The following EXT2 variants were observed in gnomAD, a reference collection of about 807,000 sequenced individuals.
The protein encoded by EXT2 is exostosin-2.
Under a neutral mutation model 81.6 loss-of-function variants are expected in EXT2, and 53 were observed. That is an observed-to-expected ratio of 0.65 (90% CI 0.52 to 0.82). EXT2 has a LOEUF of 0.82. EXT2 is among the 40% of genes least tolerant of loss of function. The pLI, the probability that EXT2 is intolerant of heterozygous loss-of-function variation, is 0.00. For synonymous variants in EXT2, 320 were observed against 340.0 expected, an observed-to-expected ratio of 0.94 and a Z score of 0.65; for missense variants, 774 against 910.2, an observed-to-expected ratio of 0.85 and a Z score of 1.93.
chr11:44,235,078 C>A (rs1955944990), intron 12 of EXT2, among the ~76,000 whole-genome samples: 1 of 152,142 alleles, frequency 6.6e-6, no homozygotes, highest in African/African-American at 2.4e-5. Context: ...TAGGAAAAAT[C>A]ACTATCTGTG....
intron 7 of EXT2, among the ~76,000 whole-genome samples, chr11:44,148,992 C>G (rs1294625778): frequency 6.6e-6 from 1 of 152,146 alleles, no homozygotes; most frequent in Non-Finnish European, 1.5e-5. Flanking sequence ...GCTTGTCCTG[C>G]CTTTTTGTAA....
chr11:44,225,734 G>A (rs1564983922), intron 10 of EXT2, among the ~76,000 whole-genome samples: 1 of 152,130 alleles, frequency 6.6e-6, no homozygotes, highest in Non-Finnish European at 1.5e-5. Context: ...CTGGGAGTTC[G>A]GGCCAATTTA....
chr11:44,212,304 T>TAA (rs1315822825), intron 10 of EXT2, among the ~76,000 whole-genome samples: 36 of 2,296 alleles, frequency 0.016, no homozygotes, highest in African/African-American at 0.031. Context: ...AAAATATAAA[T>TAA]AAATAAATAA....
intron 7 of EXT2, among the ~76,000 whole-genome samples, chr11:44,138,585 G>C (rs777773584): frequency 7.2e-5 from 11 of 151,966 alleles, no homozygotes; most frequent in Non-Finnish European, 1.5e-4. Context: ...AACTATTAGA[G>C]AGCTTTATAC....
In EXT2 at chr11:44,246,322, G is replaced by A. The variant is rs1956093350; in HGVS notation, c.*2035G>A. 6.6e-6 allele frequency among the ~76,000 whole-genome samples: 1 copy of A among 152,214 alleles called. No individual in the cohort carries two copies. Among genetic ancestry groups the A allele is most frequent in the East Asian group, 1.9e-4 (1 of 5,188 alleles). ...AATTTCTGCCCTTTTGCTCATCATC[G>A]AATGCACTACCTTAGTGGCTGGTTT... On this transcript the variant is annotated 3_prime_UTR_variant, in exon 14 of 14. Transcript: ENST00000533608.
At chr11:44,111,076 AACAGATGG>A (rs1954135618) in intron 3 of EXT2, among the ~76,000 whole-genome samples, 1 of 152,196 alleles carries the variant, frequency 6.6e-6, no homozygotes, top group South Asian at 2.1e-4. Context: ...GAAATTAGAA[AACAGATGG>A]GCTAGATTAG....
At chr11:44,149,020 C>A (rs1386347641) in intron 7 of EXT2, among the ~76,000 whole-genome samples, 1 of 152,092 alleles carries the variant, frequency 6.6e-6, no homozygotes. Context: ...CTTCTAATTG[C>A]AAGTTTACTT....
intron 8 of EXT2, among the ~76,000 whole-genome samples, chr11:44,188,700 G>A (rs957866964): frequency 6.6e-6 from 1 of 152,188 alleles, no homozygotes; most frequent in Non-Finnish European, 1.5e-5. Context: ...GCAAGGGCTT[G>A]CAATTATTAG....
intron 8 of EXT2, among the ~76,000 whole-genome samples, chr11:44,188,355 A>C (rs1955345365): frequency 2.6e-5 from 4 of 152,224 alleles, no homozygotes; most frequent in Admixed American, 2.6e-4. Flanking sequence ...GGATGAAGCT[A>C]GGAAACTAAA....
chr11:44,136,996 T>G (rs996829413), intron 7 of EXT2, among the ~76,000 whole-genome samples: 1 of 152,054 alleles, frequency 6.6e-6, no homozygotes, highest in African/African-American at 2.4e-5. Context: ...TTTTTTTCAG[T>G]AGCACTCTAT....
intron 3 of EXT2, among the ~76,000 whole-genome samples, chr11:44,112,202 C>G (rs1214939427): frequency 2.6e-5 from 4 of 152,176 alleles, no homozygotes; most frequent in African/African-American, 4.8e-5. Flanking sequence ...TGTGAGAAAA[C>G]ATGCAGAACA....
rs577944843 is a variant in EXT2, at chr11:44,159,004, T to C, written c.1174-12607T>C. Among the ~76,000 whole-genome samples, 4 of 152,140 alleles carry C rather than the reference T, an allele frequency of 2.6e-5. No individual in the cohort carries two copies. The South Asian group carries it at 8.3e-4, about 32-fold the overall frequency. On this transcript the variant is annotated intron_variant, in intron 7 of 13. Coordinates refer to ENST00000533608, the MANE Select transcript of EXT2 (RefSeq NM_207122.2). Reference sequence around the variant, plus strand: ...TGTTTTCCCCTACCCCTGGCATCTATAGAGATTTTTTTTCTTTATGTTTGA... The same window carrying C: ...TGTTTTCCCCTACCCCTGGCATCTACAGAGATTTTTTTTCTTTATGTTTGA...
chr11:44,198,028 C>G lies in EXT2; in HGVS notation c.1495+10C>G, dbSNP rs780888308. 1.9e-6 allele frequency: 3 copies of G among 1,613,784 alleles called. No homozygotes were observed. The highest frequency in any genetic ancestry group is 3.3e-5 in the Admixed American group (2 of 59,982). Reference sequence around the variant, plus strand: ...AAAAACCCTCCAGAAGGTAAGAAGCCTTAGTGCCTCTCTCAGCTGGATCAA... The same window carrying G: ...AAAAACCCTCCAGAAGGTAAGAAGCGTTAGTGCCTCTCTCAGCTGGATCAA... On this transcript the variant is annotated intron_variant, in intron 9 of 13. Coordinates refer to ENST00000533608, the MANE Select transcript of EXT2 (RefSeq NM_207122.2).
intron 13 of EXT2, among the ~76,000 whole-genome samples, chr11:44,237,909 A>AC (rs1433999114): frequency 1.4e-5 from 2 of 138,316 alleles, no homozygotes; most frequent in South Asian, 2.5e-4. Context: ...ACTTAAAAAA[A>AC]AAAAAAAAAA....
intron 7 of EXT2, among the ~76,000 whole-genome samples, chr11:44,141,398 G>C (rs1167139978): frequency 6.6e-6 from 1 of 152,148 alleles, no homozygotes; most frequent in Non-Finnish European, 1.5e-5. Flanking sequence ...GGGACCAACT[G>C]TAATTGTACA....
chr11:44,181,648 C>T (rs1955237729), intron 8 of EXT2, among the ~76,000 whole-genome samples: 1 of 151,562 alleles, frequency 6.6e-6, no homozygotes, highest in East Asian at 1.9e-4. Context: ...AGTTTTTTTC[C>T]TGGACTTCTA....
At chr11:44,147,401 T>C (rs2135072482) in intron 7 of EXT2, among the ~76,000 whole-genome samples, 1 of 152,304 alleles carries the variant, frequency 6.6e-6, no homozygotes, top group African/African-American at 2.4e-5. Flanking sequence ...GAAGATAAAC[T>C]CAGAAGCCTG....
chr11:44,135,521 A>C (rs1478904138), intron 7 of EXT2, among the ~76,000 whole-genome samples: 1 of 151,810 alleles, frequency 6.6e-6, no homozygotes. Flanking sequence ...CCTCCCAAGA[A>C]GTTGGGATTA....
intron 7 of EXT2, among the ~76,000 whole-genome samples, chr11:44,146,856 T>C (rs1954725090): frequency 6.6e-6 from 1 of 152,196 alleles, no homozygotes; most frequent in African/African-American, 2.4e-5. Flanking sequence ...CTACACTAGA[T>C]TGAGAGCTTT....
Sources: allele counts gnomAD v4.1 joint callset (sites outside exome capture counted in the v4.1 genomes callset), GRCh38; gene constraint gnomAD v4.1.1; transcripts MANE v1.5; gene names NCBI Gene and HGNC (gene_info 2026-07-23, HGNC 2026-07-21).